Variants in CSMD1 observed in about 807,000 individuals in gnomAD.
CSMD1 encodes the protein CUB and sushi domain-containing protein 1.
A neutral mutation model predicts 417.5 loss-of-function variants in CSMD1; 213 were observed. That is an observed-to-expected ratio of 0.51 (90% CI 0.46 to 0.57). The LOEUF (loss-of-function observed/expected upper bound fraction) is 0.57. Among genes scored for constraint, CSMD1 ranks in the 20% least tolerant of loss-of-function variants. The probability of loss-of-function intolerance (pLI) is 0.00; values close to 1 mark genes in which losing one functional copy is unlikely to be tolerated. For synonymous variants in CSMD1, 2,862 were observed against 1,736.8 expected (o/e 1.65, Z -16.11); for missense variants, 6,923 against 4,529.7 (o/e 1.53, Z -15.17).
chr8:4,501,849 C>A (rs1260107248), intron 2 of CSMD1, among the ~76,000 whole-genome samples: 2 of 152,024 alleles, frequency 1.3e-5, no homozygotes, highest in Non-Finnish European at 2.9e-5. Flanking sequence ...AGAGGTATGT[C>A]TGTATAGGAA....
intron 1 of CSMD1, among the ~76,000 whole-genome samples, chr8:4,737,544 T>A (rs1810325204): frequency 6.6e-6 from 1 of 152,174 alleles, no homozygotes; most frequent in Non-Finnish European, 1.5e-5. Flanking sequence ...GATTGATGAT[T>A]TCCCTTATAG....
intron 4 of CSMD1, among the ~76,000 whole-genome samples, chr8:4,007,278 G>A (rs17068521): frequency 6.6e-6 from 1 of 152,286 alleles, no homozygotes; most frequent in Non-Finnish European, 1.5e-5. Flanking sequence ...GGCCCTGAAA[G>A]GCATTATGTG....
intron 23 of CSMD1, among the ~76,000 whole-genome samples, chr8:3,336,979 CTA>C (rs1429090941): frequency 1.3e-5 from 2 of 152,118 alleles, no homozygotes; most frequent in Admixed American, 1.3e-4. Context: ...ATGCCAGTTG[CTA>C]TATAAATTAG....
intron 23 of CSMD1, among the ~76,000 whole-genome samples, chr8:3,335,601 T>C (rs1448116377): frequency 2.0e-5 from 3 of 152,102 alleles, no homozygotes; most frequent in African/African-American, 7.2e-5. Flanking sequence ...CGCTTGAACC[T>C]GAGAGGTGGA....
At chr8:4,107,883 T>C (rs1002697072) in intron 3 of CSMD1, among the ~76,000 whole-genome samples, 3 of 152,356 alleles carry the variant, frequency 2.0e-5, no homozygotes, top group Middle Eastern at 3.4e-3. Context: ...ACTCACTCTT[T>C]CATCTTCCTA....
intron 7 of CSMD1, among the ~76,000 whole-genome samples, chr8:3,658,642 G>A (rs1010905876): frequency 1.3e-5 from 2 of 151,830 alleles, no homozygotes; most frequent in African/African-American, 4.8e-5. Context: ...AATCAGTTGG[G>A]CGTGGTGGTG....
rs1819188437 is a variant in CSMD1, at chr8:3,151,436, A to C, written c.5992T>G (p.Leu1998Val). Residue 1998 changes from leucine (L) to valine (V), a missense_variant, in exon 40 of 70, where the codon TTA (leucine) becomes GTA (valine). Leu to Val is a conservative substitution (Grantham distance 32). Coordinates refer to ENST00000635120, the MANE Select transcript of CSMD1 (RefSeq NM_033225.6). ...AATGAGATCCTCCAGGTGCAGTCTA[A>C]GTTGTTGGGGTAAGAACCTGGGAAG... ...PGFPGSYPNN[L>V]DCTWRISLPI... The C allele has an allele frequency of 6.2e-7, 1 of 1,613,630 alleles. No homozygotes were observed. The highest frequency in any genetic ancestry group is 1.1e-5 in the South Asian group (1 of 90,980).
intron 54 of CSMD1, among the ~76,000 whole-genome samples, chr8:2,995,353 C>A (rs1160037787): frequency 6.6e-6 from 1 of 152,166 alleles, no homozygotes; most frequent in Non-Finnish European, 1.5e-5. Context: ...GCTATCACCA[C>A]ACATCTATCA....
At chr8:3,055,772 A>G (rs1812173255) in intron 49 of CSMD1, among the ~76,000 whole-genome samples, 1 of 152,192 alleles carries the variant, frequency 6.6e-6, no homozygotes, top group African/African-American at 2.4e-5. Context: ...TTGATCCTGT[A>G]AAGTTAAATT....
chr8:2,973,353 G>C (rs1268395975), intron 56 of CSMD1, 54 bp from the exon 57 acceptor site: 1 of 1,548,648 alleles, frequency 6.5e-7, no homozygotes, highest in African/African-American at 1.4e-5. Context: ...CTTGTTTTAA[G>C]CAGAGTTGTC....
chr8:4,085,429 A>T (rs548892724), intron 3 of CSMD1, among the ~76,000 whole-genome samples: 1 of 152,328 alleles, frequency 6.6e-6, no homozygotes, highest in East Asian at 1.9e-4. Context: ...GATTTTGATT[A>T]TTTAGAAAAT....
rs542233624 is a variant in CSMD1, at chr8:4,037,074, C to T, written c.416-4975G>A. 1.1e-4 allele frequency among the ~76,000 whole-genome samples: 16 copies of T among 152,090 alleles called. No individual in the cohort carries two copies. In the South Asian group the frequency reaches 3.1e-3, roughly 30 times the overall value. On this transcript the variant is annotated intron_variant, in intron 3 of 69. Transcript: ENST00000635120. ...GGAGCTGCTGAGACAGCTCTGGCCA[C>T]CCACAACCCAAAACTGGAATAATTG... is the stretch of plus-strand genomic sequence containing the variant.
At chr8:3,520,936 G>A (rs944072266) in intron 10 of CSMD1, among the ~76,000 whole-genome samples, 1 of 152,020 alleles carries the variant, frequency 6.6e-6, no homozygotes, top group Non-Finnish European at 1.5e-5. Context: ...ATGATTGTTG[G>A]TTCCTCCTTT....
intron 1 of CSMD1, among the ~76,000 whole-genome samples, chr8:4,918,073 A>T (rs12156291): frequency 0.59 from 89,669 of 151,452 alleles, 27,090 homozygotes; most frequent in East Asian, 0.86. Flanking sequence ...TTCTCTGATT[A>T]TGAGTTAGCA....
At chr8:4,988,286 T>C (rs1226344017) in intron 1 of CSMD1, among the ~76,000 whole-genome samples, 3 of 152,218 alleles carry the variant, frequency 2.0e-5, no homozygotes, top group Non-Finnish European at 4.4e-5. Flanking sequence ...AGCATTAAGA[T>C]GCAAGTATCA....
Position 3,011,334 on chromosome 8 carries a change from G to C in CSMD1, c.8029+7143C>G, listed in dbSNP as rs998290522. On this transcript the variant is annotated intron_variant, in intron 52 of 69. Transcript: ENST00000635120. ...GACGGTATGGCAAAGATGGGGGTGG[G>C]GCAGGGGAGGCAGTGCTAATCTTTC... Among the ~76,000 whole-genome samples the C allele has an allele frequency of 2.6e-5, 4 of 152,060 alleles. No individual in the cohort carries two copies. In the South Asian group the frequency reaches 6.2e-4, roughly 24 times the overall value.
At chr8:4,402,947 G>C (rs1302742104) in intron 3 of CSMD1, among the ~76,000 whole-genome samples, 3 of 151,022 alleles carry the variant, frequency 2.0e-5, no homozygotes, top group Admixed American at 6.6e-5. Context: ...AGCCTCCTGA[G>C]TAGCTGGGAC....
At chr8:4,754,730 T>A (rs1354856896) in intron 1 of CSMD1, among the ~76,000 whole-genome samples, 1 of 151,882 alleles carries the variant, frequency 6.6e-6, no homozygotes, top group Non-Finnish European at 1.5e-5. Flanking sequence ...GCGCCTGTAG[T>A]CCCAGCTACT....
chr8:3,318,958 A>G (rs765295306), intron 23 of CSMD1, among the ~76,000 whole-genome samples: 3 of 152,162 alleles, frequency 2.0e-5, no homozygotes, highest in Non-Finnish European at 4.4e-5. Flanking sequence ...AAACACACAC[A>G]CATATGTGCA....
Sources: gnomAD v4.1 joint callset for allele counts (sites outside exome capture counted in the v4.1 genomes callset) on GRCh38, gnomAD v4.1.1 for gene constraint, MANE v1.5 for transcripts, NCBI Gene and HGNC (gene_info 2026-07-23, HGNC 2026-07-21) for gene names.